Variants in PLXNA4 observed in about 807,000 individuals in gnomAD.
The protein encoded by PLXNA4 is plexin A4, also known as plexin-A4.
In PLXNA4, 44 loss-of-function variants were observed where a neutral mutation model predicts 191.8. The observed-to-expected ratio is 0.23, with a 90% CI of 0.18 to 0.29. The LOEUF (loss-of-function observed/expected upper bound fraction) is 0.29, where lower values mean the gene tolerates loss of function less well. PLXNA4 is among the 10% of genes least tolerant of loss of function. PLXNA4 has a pLI of 1.00. For missense variants in PLXNA4, 1,800 were observed against 2,488.8 expected (o/e 0.72, Z 5.89); for synonymous variants, 1,082 against 1,009.5 (o/e 1.07, Z -1.36).
intron 3 of PLXNA4, among the ~76,000 whole-genome samples, chr7:132,467,592 G>A (rs1450291469): frequency 6.6e-6 from 1 of 152,154 alleles, no homozygotes; most frequent in Non-Finnish European, 1.5e-5. Flanking sequence ...ACATTTTCTG[G>A]TCTTCAGTTC....
chr7:132,203,196 C>T, intron 11 of PLXNA4, 127 bp downstream of exon 11: 1 of 814,534 alleles, frequency 1.2e-6, no homozygotes, highest in Non-Finnish European at 2.0e-6. Flanking sequence ...AGGAGGGGCT[C>T]AGAGGGAGAG....
chr7:132,390,079 A>G (rs1394428759), intron 3 of PLXNA4, among the ~76,000 whole-genome samples: 3 of 152,224 alleles, frequency 2.0e-5, no homozygotes, highest in Non-Finnish European at 2.9e-5. Context: ...ATATACCCAA[A>G]GTATTATAAA....
rs113164523 is a variant in PLXNA4, at chr7:132,411,614, C to T, written c.1371+77678G>A. On this transcript the variant is annotated intron_variant, in intron 3 of 31. Transcript: ENST00000321063. ...TTCAACTTCTGCCACCATCTGAGCA[C>T]GAGCCTTCTGAGTCCAAATTCCCTG... 9.9e-3 allele frequency among the ~76,000 whole-genome samples: 1,503 copies of T among 152,272 alleles called. 18 individuals are homozygous for T. Among genetic ancestry groups the T allele is most frequent in the African/African-American group, 0.033 (1,367 of 41,548 alleles).
chr7:132,538,893 T>G (rs144285408), intron 1 of PLXNA4, among the ~76,000 whole-genome samples: 4 of 152,174 alleles, frequency 2.6e-5, no homozygotes, highest in African/African-American at 9.7e-5. Flanking sequence ...TTTGACCAAG[T>G]TGACATTGTG....
At chr7:132,203,474 G>C in intron 10 of PLXNA4, 55 bp from the exon 11 acceptor site, 7 of 1,488,044 alleles carry the variant, frequency 4.7e-6, no homozygotes, top group South Asian at 2.3e-5. Flanking sequence ...GAGAGTTCTA[G>C]AGAGGGCCCA....
At chr7:132,140,140 G>C (rs1795224817) in intron 30 of PLXNA4, among the ~76,000 whole-genome samples, 1 of 152,236 alleles carries the variant, frequency 6.6e-6, no homozygotes, top group Non-Finnish European at 1.5e-5. Flanking sequence ...TGTTCAGACA[G>C]TGACAAAGGC....
At chr7:132,295,776 G>T (rs908183049) in intron 4 of PLXNA4, among the ~76,000 whole-genome samples, 2 of 152,092 alleles carry the variant, frequency 1.3e-5, no homozygotes, top group African/African-American at 4.8e-5. Context: ...CCAGTGTCTG[G>T]AAACTCCTGT....
chr7:132,416,569 A>C (rs1056247853), intron 3 of PLXNA4, among the ~76,000 whole-genome samples: 2 of 152,204 alleles, frequency 1.3e-5, no homozygotes, highest in African/African-American at 2.4e-5. Context: ...GAGTACTCAG[A>C]GGTGATTTCC....
intron 15 of PLXNA4, 31 bp downstream of exon 15, chr7:132,187,440 T>G: frequency 6.2e-7 from 1 of 1,603,364 alleles, no homozygotes. Flanking sequence ...TTTCCCTCTC[T>G]GGTGCTGCAG....
intron 21 of PLXNA4, among the ~76,000 whole-genome samples, chr7:132,170,037 A>C (rs1796238408): frequency 6.6e-6 from 1 of 151,974 alleles, no homozygotes. Flanking sequence ...TGGATACCAC[A>C]GTTCTTTGAG....
chr7:132,437,416 G>A (rs1267930156), intron 3 of PLXNA4, among the ~76,000 whole-genome samples: 1 of 152,186 alleles, frequency 6.6e-6, no homozygotes, highest in Non-Finnish European at 1.5e-5. Context: ...ATGTTTGCAT[G>A]CAAGCACGTG....
chr7:132,148,450 G>T (rs1745151055), intron 26 of PLXNA4, 93 bp downstream of exon 26: 1 of 1,543,496 alleles, frequency 6.5e-7, no homozygotes, highest in Admixed American at 1.8e-5. Flanking sequence ...CTGGTGAGGG[G>T]CTTGGTGTCT....
chr7:132,263,310 T>C (rs532455118), intron 4 of PLXNA4, among the ~76,000 whole-genome samples: 1 of 152,226 alleles, frequency 6.6e-6, no homozygotes, highest in African/African-American at 2.4e-5. Context: ...CCATCCACAC[T>C]CACCACCACC....
At chr7:132,586,983 T>C (rs1465882974) in intron 2 of PLXNA4, among the ~76,000 whole-genome samples, 1 of 152,124 alleles carries the variant, frequency 6.6e-6, no homozygotes, top group African/African-American at 2.4e-5. Context: ...TATGAATCAA[T>C]AGTGAAATAC....
At chr7:132,200,800 A>G (rs978957689) in intron 12 of PLXNA4, among the ~76,000 whole-genome samples, 5 of 152,256 alleles carry the variant, frequency 3.3e-5, no homozygotes, top group Admixed American at 2.6e-4. Flanking sequence ...ATAACCTAGG[A>G]GAACATTACT....
rs138300398 is a variant in PLXNA4 at position 132,601,305 on chromosome 7, T to C, written c.-87+44623A>G. Among the ~76,000 whole-genome samples the C allele has an allele frequency of 7.2e-5, 11 of 152,230 alleles. No individual in the cohort carries two copies. The East Asian group carries it at 2.1e-3, about 29-fold the overall frequency. On this transcript the variant is annotated intron_variant, in intron 2 of 4. Transcript: ENST00000378539. ...AAAAGAAAAAAAAAAACAGTAAACA[T>C]TTCTGATAGTGTGGTAGAGCCCGTG...
chr7:132,442,667 C>T (rs1490675751), intron 3 of PLXNA4, among the ~76,000 whole-genome samples: 3 of 152,348 alleles, frequency 2.0e-5, no homozygotes, highest in Admixed American at 2.0e-4. Context: ...GCTCTGTGCC[C>T]AGGCCCTGGG....
At chr7:132,580,765 C>T (rs1048493713), upstream of PLXNA4, among the ~76,000 whole-genome samples, 1 of 152,322 alleles carries the variant, frequency 6.6e-6, no homozygotes, top group South Asian at 2.1e-4. Context: ...TTAAATAAAT[C>T]ACCAGAGCCT....
At chr7:132,618,533 C>CCTTT (rs887102733) in intron 2 of PLXNA4, among the ~76,000 whole-genome samples, 2 of 152,226 alleles carry the variant, frequency 1.3e-5, no homozygotes, top group Admixed American at 1.3e-4. Flanking sequence ...CTGTTCTCTG[C>CCTTT]CTTTCACTCC....
Sources: allele counts gnomAD v4.1 joint callset (sites outside exome capture counted in the v4.1 genomes callset), GRCh38; gene constraint gnomAD v4.1.1; transcripts MANE v1.5; gene names NCBI Gene and HGNC (gene_info 2026-07-23, HGNC 2026-07-21).